Variants in FYB1 observed in about 807,000 individuals in gnomAD.
The protein encoded by FYB1 is FYN-binding protein 1.
A neutral mutation model predicts 94.1 loss-of-function variants in FYB1; 41 were observed. The ratio of observed to expected loss-of-function variants is 0.44; its 90% CI spans 0.34 to 0.57. FYB1 has a LOEUF of 0.57. Ranked by LOEUF, FYB1 falls within the 20% of genes least tolerant of loss-of-function variation. The pLI, the probability that FYB1 is intolerant of heterozygous loss-of-function variation, is 0.02. For synonymous variants in FYB1, 367 were observed against 353.2 expected (o/e 1.04, Z -0.44); for missense variants, 1,050 against 976.8 (o/e 1.07, Z -1.00).
At chr5:39,166,450 A>AAC (rs1212177163) in intron 2 of FYB1, among the ~76,000 whole-genome samples, 1 of 152,002 alleles carries the variant, frequency 6.6e-6, no homozygotes, top group Admixed American at 6.6e-5. Flanking sequence ...AAAAAAAAAA[A>AAC]AAGAAATAAA....
At chr5:39,116,124 T>C (rs1739544224) in intron 16 of FYB1, among the ~76,000 whole-genome samples, 1 of 152,174 alleles carries the variant, frequency 6.6e-6, no homozygotes, top group South Asian at 2.1e-4. Flanking sequence ...ATAATCCAAG[T>C]GGTAACTTTT....
intron 3 of FYB1, among the ~76,000 whole-genome samples, chr5:39,148,164 T>A (rs1312466055): frequency 1.1e-4 from 1 of 9,412 alleles, no homozygotes; most frequent in East Asian, 2.4e-3. Context: ...TTTATATATA[T>A]ATATATATAT....
At chr5:39,168,585 A>G (rs1433533858) in intron 2 of FYB1, among the ~76,000 whole-genome samples, 6 of 152,178 alleles carry the variant, frequency 3.9e-5, no homozygotes, top group Non-Finnish European at 8.8e-5. Context: ...TCTAATCTGT[A>G]TACTTTGCTT....
In FYB1 at chr5:39,118,889, T is replaced by A. The variant is rs1282967683; in HGVS notation, c.2386A>T (p.Asn796Tyr). Residue 796 changes from asparagine to tyrosine, a missense_variant, in exon 16 of 19, where the codon AAT (asparagine) becomes TAT (tyrosine). Transcript: ENST00000512982. The part of the protein sequence containing the change: ...TTDDTKVLCR[N>Y]EEGKYGYVLR... The stretch of plus-strand genomic sequence containing the variant: ...AGTGACTTACATTTCCCTTCTTCAT[T>A]TCTGCAGAGAACTTTTGTGTCATCT... The A allele has an allele frequency of 1.3e-6, 2 of 1,525,478 alleles. No homozygotes were observed. Among genetic ancestry groups the A allele is most frequent in the African/African-American group, 2.8e-5 (2 of 71,942 alleles). 94.5% of individuals were successfully genotyped at this position (1,525,478 alleles called of 1,614,324 possible). A position where few individuals can be genotyped will look rare whatever the true frequency, so the allele number is the denominator to read the frequency against.
At chr5:39,225,228 G>A (rs980338664) in intron 1 of FYB1, among the ~76,000 whole-genome samples, 3 of 152,108 alleles carry the variant, frequency 2.0e-5, no homozygotes, top group Non-Finnish European at 4.4e-5. Context: ...ATATATACAT[G>A]TATGTATATA....
In FYB1 at chr5:39,134,338, T is replaced by C. The variant is rs766384144; in HGVS notation, c.1687A>G (p.Lys563Glu). The change falls in exon 9 of 19, where the codon AAA (lysine) becomes GAA (glutamate). Residue 563 changes from lysine to glutamate, a missense_variant. Lys to Glu is a moderately conservative substitution (Grantham distance 56). Transcript: ENST00000512982. Reference protein sequence around the residue: ...RTARGSYGYIKTTAVEIDYDS... With the variant: ...RTARGSYGYIETTAVEIDYDS... ...TAGTCAATCTCTACAGCAGTTGTTT[T>C]AATATAGCCATCTACCAAAAAGGGA... is the stretch of plus-strand genomic sequence containing the variant. The C allele has an allele frequency of 2.5e-6, 4 of 1,603,508 alleles. No individual in the cohort carries two copies.
chr5:39,232,539 A>T (rs1046146422), intron 1 of FYB1, among the ~76,000 whole-genome samples: 6 of 151,142 alleles, frequency 4.0e-5, no homozygotes, highest in African/African-American at 1.5e-4. Flanking sequence ...TTATTTATTT[A>T]TTTATTTATT....
chr5:39,129,633 A>T (rs539350994), intron 10 of FYB1, among the ~76,000 whole-genome samples: 2 of 152,056 alleles, frequency 1.3e-5, no homozygotes, highest in African/African-American at 4.8e-5. Context: ...ACAATCCCAT[A>T]AAAAGGTGGG....
intron 16 of FYB1, among the ~76,000 whole-genome samples, chr5:39,114,185 T>C (rs1235640289): frequency 6.6e-6 from 1 of 152,204 alleles, no homozygotes; most frequent in African/African-American, 2.4e-5. Context: ...TATCTTATTC[T>C]ACATCTTTTG....
At chr5:39,112,272 C>T (rs535426042) in intron 16 of FYB1, among the ~76,000 whole-genome samples, 1 of 151,986 alleles carries the variant, frequency 6.6e-6, no homozygotes, top group African/African-American at 2.4e-5. Flanking sequence ...GGGGGTTCTG[C>T]TTTCATTTTG....
intron 1 of FYB1, among the ~76,000 whole-genome samples, chr5:39,264,941 T>G (rs1388676859): frequency 6.6e-6 from 1 of 152,236 alleles, no homozygotes; most frequent in African/African-American, 2.4e-5. Flanking sequence ...TATTTATTTG[T>G]TCACTTTGAT....
At chr5:39,252,716 T>G (rs765789359) in intron 1 of FYB1, among the ~76,000 whole-genome samples, 65 of 152,172 alleles carry the variant, frequency 4.3e-4, no homozygotes, top group Admixed American at 9.8e-4. Flanking sequence ...GTGCCTTTCT[T>G]TTTACCCTAG....
At chr5:39,182,909 T>C (rs1167158636) in intron 2 of FYB1, among the ~76,000 whole-genome samples, 1 of 152,160 alleles carries the variant, frequency 6.6e-6, no homozygotes, top group East Asian at 1.9e-4. Flanking sequence ...CAGAGCAGGG[T>C]TGTCTTCTTA....
chr5:39,230,874 C>T (rs887353322), intron 1 of FYB1, among the ~76,000 whole-genome samples: 1 of 150,082 alleles, frequency 6.7e-6, no homozygotes, highest in Non-Finnish European at 1.5e-5. Context: ...CACACACACA[C>T]ACACATATAT....
intron 9 of FYB1, 141 bp downstream of exon 9, chr5:39,134,067 T>G: frequency 1.8e-6 from 1 of 556,634 alleles, no homozygotes; most frequent in Non-Finnish European, 3.1e-6. Context: ...TTCACCCATG[T>G]TGGGGTTATT....
At chr5:39,222,399 G>T (rs1194140981), upstream of FYB1, among the ~76,000 whole-genome samples, 1 of 152,208 alleles carries the variant, frequency 6.6e-6, no homozygotes, top group Non-Finnish European at 1.5e-5. Flanking sequence ...GCCAAGGGCA[G>T]CTTCCTGGTT....
intron 3 of FYB1, among the ~76,000 whole-genome samples, chr5:39,143,654 T>C (rs10061828): frequency 0.26 from 39,694 of 152,044 alleles, 5,565 homozygotes; most frequent in African/African-American, 0.37. Context: ...ATGCTGGTTG[T>C]AAAATGTGTG....
chr5:39,121,470 G>A (rs1271240532), intron 14 of FYB1, among the ~76,000 whole-genome samples: 4 of 151,930 alleles, frequency 2.6e-5, no homozygotes, highest in Admixed American at 6.6e-5. Flanking sequence ...AATACTTAGC[G>A]TTTACTCATG....
chr5:39,142,411 A>T (rs1465225009), intron 3 of FYB1, among the ~76,000 whole-genome samples: 1 of 152,054 alleles, frequency 6.6e-6, no homozygotes, highest in Non-Finnish European at 1.5e-5. Context: ...AGTTATACTC[A>T]TCCTTACCTT....
Sources: gnomAD v4.1 joint callset for allele counts (sites outside exome capture counted in the v4.1 genomes callset) on GRCh38, gnomAD v4.1.1 for gene constraint, MANE v1.5 for transcripts, NCBI Gene and HGNC (gene_info 2026-07-23, HGNC 2026-07-21) for gene names.